ITGA8: variants seen among roughly 807,000 people sequenced by gnomAD.
ITGA8 encodes the protein integrin alpha-8.
Under a neutral mutation model 142.3 loss-of-function variants are expected in ITGA8, and 91 were observed. The observed-to-expected ratio is 0.64, with a 90% CI of 0.54 to 0.76. The LOEUF (loss-of-function observed/expected upper bound fraction) is 0.76, where lower values mean the gene tolerates loss of function less well. Ranked by LOEUF, ITGA8 falls within the 30% of genes least tolerant of loss-of-function variation. The pLI, the probability that ITGA8 is intolerant of heterozygous loss-of-function variation, is 0.00. For synonymous variants in ITGA8, 505 were observed against 485.2 expected, an observed-to-expected ratio of 1.04 and a Z score of -0.54; for missense variants, 1,406 against 1,327.7, an observed-to-expected ratio of 1.06 and a Z score of -0.92.
chr10:15,699,868 G>T (rs1835129217), intron 2 of ITGA8, among the ~76,000 whole-genome samples: 1 of 152,122 alleles, frequency 6.6e-6, no homozygotes, highest in South Asian at 2.1e-4. Flanking sequence ...ACCATGGAAT[G>T]GTACCTCATT....
intron 11 of ITGA8, among the ~76,000 whole-genome samples, chr10:15,650,336 A>G (rs932462373): frequency 1.8e-4 from 27 of 152,214 alleles, no homozygotes; most frequent in African/African-American, 6.0e-4. Flanking sequence ...AATTTCATGT[A>G]TTAGACAATT....
At chr10:15,679,267 C>G (rs1050734352) in intron 4 of ITGA8, among the ~76,000 whole-genome samples, 2 of 152,158 alleles carry the variant, frequency 1.3e-5, no homozygotes, top group Admixed American at 6.5e-5. Context: ...CTGTTACGCT[C>G]TTTAAGAGGA....
intron 2 of ITGA8, among the ~76,000 whole-genome samples, chr10:15,706,964 C>T (rs1386228822): frequency 2.0e-5 from 3 of 152,144 alleles, no homozygotes; most frequent in African/African-American, 4.8e-5. Context: ...CTCAAGCACA[C>T]CCACATCTCC....
intron 27 of ITGA8, among the ~76,000 whole-genome samples, chr10:15,543,449 C>A (rs957780604): frequency 4.6e-5 from 7 of 152,192 alleles, no homozygotes; most frequent in Non-Finnish European, 1.0e-4. Flanking sequence ...CACTGCATCT[C>A]CAGCCCCACT....
intron 25 of ITGA8, among the ~76,000 whole-genome samples, chr10:15,558,975 A>C (rs1324587985): frequency 6.6e-6 from 1 of 151,992 alleles, no homozygotes; most frequent in Non-Finnish European, 1.5e-5. Flanking sequence ...CCCCACTCCC[A>C]CCCTTGAGAA....
At chr10:15,719,225 A>G (rs1202582717) in intron 1 of ITGA8, among the ~76,000 whole-genome samples, 1 of 152,216 alleles carries the variant, frequency 6.6e-6, no homozygotes, top group East Asian at 1.9e-4. Flanking sequence ...CAATGGTTAC[A>G]GACTCTGCAT....
At chr10:15,658,499 C>T (rs1489891502) in intron 10 of ITGA8, among the ~76,000 whole-genome samples, 4 of 150,840 alleles carry the variant, frequency 2.7e-5, no homozygotes, top group Non-Finnish European at 5.9e-5. Context: ...GAGACTGTGG[C>T]CTTCACTCTG....
chr10:15,575,728 A>G, intron 23 of ITGA8, 134 bp from the exon 24 acceptor site: 3 of 653,648 alleles, frequency 4.6e-6, no homozygotes, highest in Non-Finnish European at 8.2e-6. Flanking sequence ...TACAGGGAAA[A>G]ATATTGAAAG....
At chr10:15,519,619 A>T (rs1012279435) in intron 28 of ITGA8, among the ~76,000 whole-genome samples, 2 of 152,162 alleles carry the variant, frequency 1.3e-5, no homozygotes, top group African/African-American at 2.4e-5. Flanking sequence ...GTAAAAGTCT[A>T]ATTAGAGATT....
At chr10:15,590,105 T>C (rs1374436956) in intron 22 of ITGA8, among the ~76,000 whole-genome samples, 1 of 152,224 alleles carries the variant, frequency 6.6e-6, no homozygotes, top group African/African-American at 2.4e-5. Flanking sequence ...ATACATGTTT[T>C]GGGAATTTAA....
At chr10:15,662,107 T>A (rs769325423) in intron 8 of ITGA8, among the ~76,000 whole-genome samples, 2 of 152,078 alleles carry the variant, frequency 1.3e-5, no homozygotes, top group Non-Finnish European at 2.9e-5. Flanking sequence ...CCAGTAACTG[T>A]GAAGTCTGCA....
At chr10:15,539,458 C>T (rs1431822440) in intron 27 of ITGA8, among the ~76,000 whole-genome samples, 1 of 152,088 alleles carries the variant, frequency 6.6e-6, no homozygotes, top group Non-Finnish European at 1.5e-5. Flanking sequence ...GACACTATCT[C>T]CCCTTTGGAA....
At chr10:15,629,053 A>G (rs1268728369) in intron 13 of ITGA8, among the ~76,000 whole-genome samples, 1 of 151,542 alleles carries the variant, frequency 6.6e-6, no homozygotes, top group Non-Finnish European at 1.5e-5. Flanking sequence ...AGGTACCCCT[A>G]CTCACGGCGC....
At chr10:15,604,126 C>A (rs188622558) in intron 20 of ITGA8, 82 bp downstream of exon 20, 26 of 1,244,496 alleles carry the variant, frequency 2.1e-5, no homozygotes, top group Admixed American at 4.4e-5. Context: ...AAGAAACTCT[C>A]AGCTAAGATG....
chr10:15,572,152 A>T, intron 25 of ITGA8, 59 bp downstream of exon 25: 1 of 1,411,024 alleles, frequency 7.1e-7, no homozygotes, highest in African/African-American at 1.4e-5. Context: ...CCCAGTTTGT[A>T]TTTTTTTCAT....
In ITGA8 at chr10:15,576,384, T is replaced by C. The variant is rs572981794; in HGVS notation, c.2373-790A>G. Among the ~76,000 whole-genome samples the C allele has an allele frequency of 8.2e-4, 125 of 152,332 alleles. 1 individual carries two copies. The Middle Eastern group carries it at 0.014, about 17-fold the overall frequency. On this transcript the variant is annotated intron_variant, in intron 23 of 29. Coordinates refer to ENST00000378076, the MANE Select transcript of ITGA8 (RefSeq NM_003638.3). ...ACATATAACACATGGCATTATTTTA[T>C]ATAAAAAGCTGATTACAAACTAAAT...
intron 16 of ITGA8, 112 bp from the exon 17 acceptor site, chr10:15,607,943 T>A: frequency 3.3e-6 from 3 of 901,738 alleles, no homozygotes; most frequent in Non-Finnish European, 5.2e-6. Context: ...TTTTTCATAG[T>A]TGAGACCAAG....
At position 15,669,934 on chromosome 10, in the gene ITGA8, C is replaced by T. The variant is rs966962180; in HGVS notation, c.847+1669G>A. On this transcript the variant is annotated intron_variant, in intron 8 of 29. Coordinates refer to ENST00000378076, the MANE Select transcript of ITGA8 (RefSeq NM_003638.3). ...GTCAGTCCGCCGCTACTGGGGGGTC[C>T]TTCCCAGTTAGGCTACTCAGGGGTC... Among the ~76,000 whole-genome samples the T allele has an allele frequency of 2.0e-5, 3 of 152,176 alleles. No individual in the cohort carries two copies. In the South Asian group the frequency reaches 6.2e-4, roughly 31 times the overall value.
intron 8 of ITGA8, among the ~76,000 whole-genome samples, chr10:15,665,003 T>C (rs1214545829): frequency 3.3e-5 from 5 of 152,218 alleles, no homozygotes; most frequent in African/African-American, 1.2e-4. Context: ...TATAGCAGCA[T>C]GATTTATAAT....
Sources: allele counts gnomAD v4.1 joint callset (sites outside exome capture counted in the v4.1 genomes callset), GRCh38; gene constraint gnomAD v4.1.1; transcripts MANE v1.5; gene names NCBI Gene and HGNC (gene_info 2026-07-23, HGNC 2026-07-21).